Variants in ZFYVE9 observed in about 807,000 individuals in gnomAD.
ZFYVE9 encodes the protein zinc finger FYVE domain-containing protein 9.
ZFYVE9 carries 43 observed loss-of-function variants against 126.7 expected under a neutral mutation model. That is an observed-to-expected ratio of 0.34 (90% CI 0.27 to 0.44). The LOEUF (loss-of-function observed/expected upper bound fraction) is 0.44, where lower values mean the gene tolerates loss of function less well. Ranked by LOEUF, ZFYVE9 falls within the 20% of genes least tolerant of loss-of-function variation. ZFYVE9 has a pLI of 1.00. For missense variants in ZFYVE9, 1,476 were observed against 1,697.0 expected (o/e 0.87, Z 2.29); for synonymous variants, 521 against 597.4 (o/e 0.87, Z 1.87).
At chr1:52,203,879 A>G (rs113783375) in intron 1 of ZFYVE9, among the ~76,000 whole-genome samples, 14 of 152,088 alleles carry the variant, frequency 9.2e-5, no homozygotes, top group Non-Finnish European at 1.6e-4. Context: ...CATTTCTGTT[A>G]TCGTGTTTTT....
intron 2 of ZFYVE9, among the ~76,000 whole-genome samples, chr1:52,218,107 A>T (rs1328010435): frequency 6.6e-6 from 1 of 152,192 alleles, no homozygotes; most frequent in African/African-American, 2.4e-5. Flanking sequence ...GATGCTGTCT[A>T]TGTAAACTTG....
rs79622314 is a variant in ZFYVE9 at position 52,323,578 on chromosome 1, A to G, written c.3439-9190A>G. On this transcript the variant is annotated intron_variant, in intron 13 of 18. Coordinates refer to ENST00000287727, the MANE Select transcript of ZFYVE9 (RefSeq NM_004799.4). ...ATTTTCTAAATGAATGAGTGAAGGC[A>G]GCCTGGGCACATAGCGTGAGACCTC... is the stretch of plus-strand genomic sequence containing the variant. 3.4e-3 allele frequency among the ~76,000 whole-genome samples: 516 copies of G among 152,332 alleles called. 2 individuals are homozygous for G. The highest frequency in any genetic ancestry group is 0.012 in the African/African-American group (486 of 41,566).
intron 10 of ZFYVE9, among the ~76,000 whole-genome samples, chr1:52,285,504 G>A (rs1045235599): frequency 3.9e-5 from 6 of 152,132 alleles, no homozygotes; most frequent in South Asian, 2.1e-4. Context: ...GATCAGCAGC[G>A]GTATTAGATT....
chr1:52,292,104 C>T (rs1219287434), intron 10 of ZFYVE9, among the ~76,000 whole-genome samples: 1 of 151,710 alleles, frequency 6.6e-6, no homozygotes, highest in Non-Finnish European at 1.5e-5. Context: ...CATGGTGAAA[C>T]TCTGTTTCTA....
chr1:52,327,284 A>G (rs569171722), intron 13 of ZFYVE9, among the ~76,000 whole-genome samples: 1 of 152,316 alleles, frequency 6.6e-6, no homozygotes, highest in Non-Finnish European at 1.5e-5. Context: ...TAATGGTCAC[A>G]TTAATGTCTC....
chr1:52,216,484 T>C lies in ZFYVE9; in HGVS notation c.-37+10T>C. The C allele has an allele frequency of 2.5e-6, 1 of 398,346 alleles. No individual in the cohort carries two copies. The allele number at this position is 398,346 out of a possible 1,614,324, so 24.7% of individuals were successfully genotyped here. A position where few individuals can be genotyped will look rare whatever the true frequency, so the allele number is the denominator to read the frequency against. ...GTGTAAGGGGAAAAAGGTAAGAAAA[T>C]GTTTTTATTTCTCTTAGAGATTGAA... On this transcript the variant is annotated intron_variant, in intron 2 of 18. Coordinates refer to ENST00000287727, the MANE Select transcript of ZFYVE9 (RefSeq NM_004799.4).
At chr1:52,246,134 G>T (rs1218179679) in intron 4 of ZFYVE9, among the ~76,000 whole-genome samples, 2 of 152,048 alleles carry the variant, frequency 1.3e-5, no homozygotes, top group African/African-American at 4.8e-5. Context: ...TCACCGTGTT[G>T]CCTGGGCTAG....
chr1:52,289,321 A>G (rs1330704777), intron 10 of ZFYVE9, among the ~76,000 whole-genome samples: 1 of 152,080 alleles, frequency 6.6e-6, no homozygotes, highest in Non-Finnish European at 1.5e-5. Flanking sequence ...CAGTTTCTTC[A>G]TTTGTCAAAT....
chr1:52,308,762 T>C (rs2147847767), intron 13 of ZFYVE9, among the ~76,000 whole-genome samples: 1 of 152,354 alleles, frequency 6.6e-6, no homozygotes, highest in South Asian at 2.1e-4. Flanking sequence ...TTCCTAGAAT[T>C]CTATGCATAC....
chr1:52,339,269 T>C (rs1172283012), intron 16 of ZFYVE9, among the ~76,000 whole-genome samples: 2 of 152,098 alleles, frequency 1.3e-5, no homozygotes, highest in Non-Finnish European at 2.9e-5. Flanking sequence ...CTGTCATAAT[T>C]AGCAACTTGG....
intron 1 of ZFYVE9, among the ~76,000 whole-genome samples, chr1:52,168,214 C>CTTTTT (rs139943554): frequency 5.7e-4 from 66 of 115,010 alleles, no homozygotes; most frequent in Non-Finnish European, 8.1e-4. Context: ...TCTTCGTCTT[C>CTTTTT]TTTTTTTTTT....
At position 52,337,935 on chromosome 1, in the gene ZFYVE9, G is replaced by A; in HGVS notation, c.3833+1G>A. 6.2e-7 allele frequency: 1 copy of A among 1,613,932 alleles called. No individual in the cohort carries two copies. Among genetic ancestry groups the A allele is most frequent in the Non-Finnish European group, 8.5e-7 (1 of 1,179,880 alleles). ...ATGATGACAAGAACGTTAGCAAGGG[G>A]TAAATGCAGCACATGTCCCCCTTTG... On this transcript the variant is annotated splice_donor_variant, in intron 16 of 18. Coordinates refer to ENST00000287727, the MANE Select transcript of ZFYVE9 (RefSeq NM_004799.4). LOFTEE classifies it high-confidence loss of function.
chr1:52,298,679 G>A (rs1164107988), intron 12 of ZFYVE9, among the ~76,000 whole-genome samples: 1 of 151,230 alleles, frequency 6.6e-6, no homozygotes, highest in Non-Finnish European at 1.5e-5. Context: ...TTCTGTTTCT[G>A]TGAAGAATAT....
rs553415408 is a variant in ZFYVE9, at chr1:52,342,472, G to T, written c.3939+2241G>T. ...TTTTTAGTAGAGATGAGGTTTCACC[G>T]TGTTAGCCAGGATGGTCTCGATCTC... On this transcript the variant is annotated intron_variant, in intron 17 of 18. Transcript: ENST00000287727. Among the ~76,000 whole-genome samples the T allele has an allele frequency of 1.1e-4, 17 of 150,062 alleles. No individual in the cohort carries two copies. The East Asian group carries it at 3.1e-3, about 28-fold the overall frequency.
intron 1 of ZFYVE9, among the ~76,000 whole-genome samples, chr1:52,177,580 A>G (rs188207363): frequency 6.6e-6 from 1 of 152,360 alleles, no homozygotes; most frequent in Non-Finnish European, 1.5e-5. Context: ...AAGGAATTAA[A>G]GGACTAGTTG....
intron 13 of ZFYVE9, among the ~76,000 whole-genome samples, chr1:52,322,646 G>A (rs1157191593): frequency 6.6e-6 from 1 of 151,952 alleles, no homozygotes; most frequent in Non-Finnish European, 1.5e-5. Flanking sequence ...AAAGTATTGG[G>A]ATTACAGGAG....
At position 52,237,518 on chromosome 1, in the gene ZFYVE9, C is replaced by T. The variant is rs749139979; in HGVS notation, c.101C>T (p.Thr34Ile). Reference sequence around the variant, plus strand: ...ACAGTTTCTTCTACTTTATTGGATACAAAGTGGAATAAGATTCTAGATCCC... The same window carrying T: ...ACAGTTTCTTCTACTTTATTGGATATAAAGTGGAATAAGATTCTAGATCCC... ...DETVSSTLLD[T>I]KWNKILDPPS... The change falls in exon 4 of 19, where the codon ACA becomes ATA. Residue 34 changes from threonine (T) to isoleucine (I), a missense_variant. Coordinates refer to ENST00000287727, the MANE Select transcript of ZFYVE9 (RefSeq NM_004799.4). 2 of 1,612,394 alleles carry T rather than the reference C, an allele frequency of 1.2e-6. No homozygotes were observed. The highest frequency in any genetic ancestry group is 2.2e-5 in the East Asian group (1 of 44,864).
At chr1:52,308,803 C>T (rs893244026) in intron 13 of ZFYVE9, among the ~76,000 whole-genome samples, 1 of 152,160 alleles carries the variant, frequency 6.6e-6, no homozygotes, top group Admixed American at 6.5e-5. Flanking sequence ...TTTGTAATTC[C>T]TTGTTGTGTG....
In ZFYVE9 at chr1:52,263,766, C is replaced by CCG. The variant is rs1553130227; in HGVS notation, c.2179-6_2179-5insGC. The CCG allele has an allele frequency of 8.2e-7, 1 of 1,221,724 alleles. No individual in the cohort carries two copies. The highest frequency in any genetic ancestry group is 1.9e-5 in the African/African-American group (1 of 52,272). The allele number at this position is 1,221,724 out of a possible 1,614,324, so 75.7% of individuals were successfully genotyped here. A position where few individuals can be genotyped will look rare whatever the true frequency, so the allele number is the denominator to read the frequency against. ...TTTGTGTGTTCTTCCCCCCCCCCCC[C>CCG]CCACAGGTTTTCTGTGCTTCCTGCT... On this transcript the variant is annotated splice_polypyrimidine_tract_variant and splice_region_variant and intron_variant, in intron 4 of 18. Transcript: ENST00000287727.
Sources: allele counts gnomAD v4.1 joint callset (sites outside exome capture counted in the v4.1 genomes callset), GRCh38; gene constraint gnomAD v4.1.1; transcripts MANE v1.5; gene names NCBI Gene and HGNC (gene_info 2026-07-23, HGNC 2026-07-21).